Variants in USP31 observed in about 807,000 individuals in gnomAD.
The protein encoded by USP31 is ubiquitin carboxyl-terminal hydrolase 31.
In USP31, 44 loss-of-function variants were observed where a neutral mutation model predicts 119.4. That is an observed-to-expected ratio of 0.37 (90% confidence interval 0.29 to 0.47). The LOEUF is 0.47. Among genes scored for constraint, USP31 ranks in the 20% least tolerant of loss-of-function variants. The probability of loss-of-function intolerance (pLI) is 0.99; values close to 1 mark genes in which losing one functional copy is unlikely to be tolerated. For missense variants in USP31, 1,643 were observed against 1,730.2 expected (o/e 0.95, Z 0.89); for synonymous variants, 749 against 705.6 (o/e 1.06, Z -0.97).
rs1903636110 is a variant in USP31 at position 23,149,116 on chromosome 16, G to A, written c.155C>T (p.Pro52Leu). 4.0e-6 allele frequency: 5 copies of A among 1,258,098 alleles called. No homozygotes were observed. The highest frequency in any genetic ancestry group is 5.1e-6 in the Non-Finnish European group (5 of 978,900). 77.9% of individuals were successfully genotyped at this position (1,258,098 alleles called of 1,614,324 possible). ...CGAGCGTGCAGAGGAGGGCGAGGAG[G>A]GCGAGGAAGGCGCGGCCGGCCCGGA... is the stretch of plus-strand genomic sequence containing the variant. ...GASGPAAPSSPSSPSSARSVG... is the reference protein window; with the variant it reads ...GASGPAAPSSLSSPSSARSVG... Residue 52 changes from proline to leucine, a missense_variant, in exon 1 of 16, where the codon CCC becomes CTC. By Grantham distance (98) the Pro-to-Leu change is moderately conservative. Coordinates refer to ENST00000219689, the MANE Select transcript of USP31 (RefSeq NM_020718.4).
At chr16:23,078,956 A>T (rs553162926) in intron 13 of USP31, 1 of 152,394 alleles carries the variant, frequency 6.6e-6, no homozygotes, top group East Asian at 1.9e-4. Flanking sequence ...TACATGAAAT[A>T]ACCAGTCACA....
Position 23,149,039 on chromosome 16 carries a change from G to C in USP31, c.232C>G (p.Leu78Val). ...VLKTLSTLSH[L>V]SSEGAAPDRG... ...TCTGGGGCGGCGCCCTCAGAGCTAA[G>C]GTGCGAGAGCGTGGACAGCGTCTTG... Residue 78 changes from leucine to valine, a missense_variant, in exon 1 of 16, where the codon CTT (leucine) becomes GTT (valine). By Grantham distance (32) the Leu-to-Val change is conservative. Coordinates refer to ENST00000219689, the MANE Select transcript of USP31 (RefSeq NM_020718.4). 8.2e-7 allele frequency: 1 copy of C among 1,225,876 alleles called. No individual in the cohort carries two copies. Among genetic ancestry groups the C allele is most frequent in the Non-Finnish European group, 1.0e-6 (1 of 958,534 alleles). The allele number at this position is 1,225,876 out of a possible 1,614,324, so 75.9% of individuals were successfully genotyped here. A position where few individuals can be genotyped will look rare whatever the true frequency, so the allele number is the denominator to read the frequency against.
At chr16:23,088,122 G>A (rs568675732) in intron 7 of USP31, among the ~76,000 whole-genome samples, 1 of 152,144 alleles carries the variant, frequency 6.6e-6, no homozygotes, top group South Asian at 2.1e-4. Context: ...GAGAGCACAG[G>A]GGGTGGGAGT....
At chr16:23,100,850 G>C (rs1400179706) in intron 6 of USP31, among the ~76,000 whole-genome samples, 4 of 152,192 alleles carry the variant, frequency 2.6e-5, no homozygotes, top group Non-Finnish European at 5.9e-5. Flanking sequence ...AACGAGAATA[G>C]AAGCTGGAGA....
In USP31 at chr16:23,066,418, GAAAA is replaced by G. The variant is rs895250450; in HGVS notation, c.*1624_*1627del. On this transcript the variant is annotated 3_prime_UTR_variant, in exon 16 of 16. Coordinates refer to ENST00000219689, the MANE Select transcript of USP31 (RefSeq NM_020718.4). Reference sequence around the variant, plus strand: ...AAGAGATATTCTTGGGGGGAAAAAAGAAAAAAAAAGTAGTGCAGAATTCACAGCT... The same window carrying G: ...AAGAGATATTCTTGGGGGGAAAAAAGAAAAAGTAGTGCAGAATTCACAGCT... The G allele has an allele frequency of 1.3e-5, 2 of 151,074 alleles. No individual in the cohort carries two copies. Among genetic ancestry groups the G allele is most frequent in the South Asian group, 2.1e-4 (1 of 4,776 alleles). 9.4% of individuals were successfully genotyped at this position (151,074 alleles called of 1,614,324 possible).
intron 1 of USP31, among the ~76,000 whole-genome samples, chr16:23,130,416 C>CA (rs1902993427): frequency 6.6e-6 from 1 of 151,704 alleles, no homozygotes; most frequent in African/African-American, 2.4e-5. Flanking sequence ...TGACACCCCC[C>CA]CCCCAACTAA....
intron 6 of USP31, among the ~76,000 whole-genome samples, chr16:23,099,513 T>G (rs1304913955): frequency 6.6e-6 from 1 of 152,128 alleles, no homozygotes; most frequent in Non-Finnish European, 1.5e-5. Flanking sequence ...AAAAGACACA[T>G]GCACATGCAC....
chr16:23,124,250 C>T (rs1244268186), intron 1 of USP31, among the ~76,000 whole-genome samples: 1 of 152,160 alleles, frequency 6.6e-6, no homozygotes, highest in East Asian at 1.9e-4. Flanking sequence ...AACCCTAAGT[C>T]ACCAAGGAAC....
At chr16:23,084,735 C>CAGACTTACATATATA in intron 11 of USP31, 125 bp downstream of exon 11, 1 of 1,285,204 alleles carries the variant, frequency 7.8e-7, no homozygotes, top group Non-Finnish European at 1.1e-6. Flanking sequence ...ATTACATGTG[C>CAGACTTACATATATA]AGACTTACAT....
At chr16:23,136,348 G>A (rs1461122767) in intron 1 of USP31, among the ~76,000 whole-genome samples, 1 of 152,114 alleles carries the variant, frequency 6.6e-6, no homozygotes, top group Non-Finnish European at 1.5e-5. Flanking sequence ...AGAAAAAGTG[G>A]ACGTCATCAA....
At chr16:23,117,770 T>TTGC (rs1259803713) in intron 1 of USP31, among the ~76,000 whole-genome samples, 1 of 151,248 alleles carries the variant, frequency 6.6e-6, no homozygotes, top group Non-Finnish European at 1.5e-5. Flanking sequence ...TTTGTTGTTG[T>TTGC]TGTTGTTCAG....
At chr16:23,141,535 G>A (rs1010242459) in intron 1 of USP31, among the ~76,000 whole-genome samples, 8 of 151,936 alleles carry the variant, frequency 5.3e-5, no homozygotes, top group Admixed American at 6.6e-5. Flanking sequence ...GTGCCACCAC[G>A]CCCGGCTAAT....
rs761432097 is a variant in USP31 at position 23,064,412 on chromosome 16, A to G, written c.*3634T>C. 3.9e-5 allele frequency: 6 copies of G among 152,092 alleles called. No homozygotes were observed. Among genetic ancestry groups the G allele is most frequent in the Non-Finnish European group, 5.9e-5 (4 of 68,014 alleles). The allele number at this position is 152,092 out of a possible 1,614,324, so 9.4% of individuals were successfully genotyped here. Reference sequence around the variant, plus strand: ...TTTACATACTGTTGCTATTTTTTTCATGATAGTTATTTTAAGGGAATGACA... The same window carrying G: ...TTTACATACTGTTGCTATTTTTTTCGTGATAGTTATTTTAAGGGAATGACA... On this transcript the variant is annotated 3_prime_UTR_variant, in exon 16 of 16. Coordinates refer to ENST00000219689, the MANE Select transcript of USP31 (RefSeq NM_020718.4).
chr16:23,090,851 T>C, intron 6 of USP31, 47 bp from the exon 7 acceptor site: 1 of 1,410,476 alleles, frequency 7.1e-7, no homozygotes, highest in Non-Finnish European at 9.4e-7. Flanking sequence ...AAAATTATTT[T>C]TATTCACTCG....
Position 23,067,873 on chromosome 16 carries a change from G to C in USP31, c.*173C>G, listed in dbSNP as rs933855677. ...CAATGGCAGAATAAGGCGACGCTTT[G>C]AACAATTTGCAATTGAATTAGACAC... On this transcript the variant is annotated 3_prime_UTR_variant, in exon 16 of 16. Transcript: ENST00000219689. 7.2e-6 allele frequency: 6 copies of C among 833,988 alleles called. No homozygotes were observed. Among genetic ancestry groups the C allele is most frequent in the Middle Eastern group, 7.4e-4 (2 of 2,716 alleles). 51.7% of individuals were successfully genotyped at this position (833,988 alleles called of 1,614,324 possible).
rs1222860691 is a variant in USP31, at chr16:23,106,388, T to A, written c.860+11A>T. 9 of 1,613,776 alleles carry A rather than the reference T, an allele frequency of 5.6e-6. No individual in the cohort carries two copies. In the South Asian group the frequency reaches 9.9e-5, roughly 18 times the overall value. On this transcript the variant is annotated intron_variant, in intron 3 of 15. Coordinates refer to ENST00000219689, the MANE Select transcript of USP31 (RefSeq NM_020718.4). ...AAACAAAATAAGTGGAAACATCCGA[T>A]TTTCTCATACCTGTATTGCGCTTGA...
At chr16:23,111,122 C>T (rs578152651) in intron 1 of USP31, among the ~76,000 whole-genome samples, 1 of 151,412 alleles carries the variant, frequency 6.6e-6, no homozygotes, top group Non-Finnish European at 1.5e-5. Flanking sequence ...AGCGAGACTC[C>T]GTCTCAAAAA....
At chr16:23,086,142 C>T (rs1901099107) in intron 9 of USP31, among the ~76,000 whole-genome samples, 1 of 152,160 alleles carries the variant, frequency 6.6e-6, no homozygotes, top group South Asian at 2.1e-4. Flanking sequence ...TTCACTGGCT[C>T]CTTGCCATCT....
intron 9 of USP31, among the ~76,000 whole-genome samples, chr16:23,086,537 G>A (rs1214209868): frequency 1.3e-5 from 2 of 152,136 alleles, no homozygotes; most frequent in East Asian, 3.9e-4. Context: ...GTATAAAAAA[G>A]GGCTTAAAGG....
Sources: gnomAD v4.1 joint callset for allele counts (sites outside exome capture counted in the v4.1 genomes callset) on GRCh38, gnomAD v4.1.1 for gene constraint, MANE v1.5 for transcripts, NCBI Gene and HGNC (gene_info 2026-07-23, HGNC 2026-07-21) for gene names.